Variants in ITGA11 observed in about 807,000 individuals in gnomAD.
ITGA11 encodes the protein integrin subunit alpha 11, also known as integrin alpha-11.
ITGA11 carries 97 observed loss-of-function variants against 141.9 expected under a neutral mutation model. The ratio of observed to expected loss-of-function variants is 0.68; its 90% confidence interval spans 0.58 to 0.81. ITGA11 has a LOEUF of 0.81. Ranked by LOEUF, ITGA11 falls within the 30% of genes least tolerant of loss-of-function variation. The probability of loss-of-function intolerance (pLI) is 0.00; values close to 1 mark genes in which losing one functional copy is unlikely to be tolerated. For missense variants in ITGA11, 1,387 were observed against 1,559.2 expected (o/e 0.89, Z 1.86); for synonymous variants, 658 against 624.6 (o/e 1.05, Z -0.80).
intron 2 of ITGA11, among the ~76,000 whole-genome samples, chr15:68,392,037 A>G (rs1454386645): frequency 1.3e-5 from 2 of 152,208 alleles, no homozygotes; most frequent in African/African-American, 4.8e-5. Flanking sequence ...AAGTTCTTTG[A>G]GCACCTACTA....
intron 2 of ITGA11, among the ~76,000 whole-genome samples, chr15:68,384,030 C>T (rs1480235331): frequency 1.3e-5 from 2 of 152,066 alleles, no homozygotes; most frequent in Non-Finnish European, 2.9e-5. Context: ...TCAATATTTT[C>T]ACTACCGAGA....
At chr15:68,431,031 C>T (rs891353804) in intron 1 of ITGA11, among the ~76,000 whole-genome samples, 3 of 152,264 alleles carry the variant, frequency 2.0e-5, no homozygotes, top group African/African-American at 4.8e-5. Context: ...AGGTTGAGCG[C>T]CCACACCCGG....
At chr15:68,320,512 G>T (rs910995343) in intron 19 of ITGA11, 120 bp from the exon 20 acceptor site, 8 of 708,890 alleles carry the variant, frequency 1.1e-5, no homozygotes, top group Non-Finnish European at 1.9e-5. Context: ...CTGCTCATGG[G>T]AATAGCCACT....
chr15:68,397,793 TA>T (rs1241406806), intron 2 of ITGA11, among the ~76,000 whole-genome samples: 1 of 107,368 alleles, frequency 9.3e-6, no homozygotes, highest in Non-Finnish European at 1.8e-5. Flanking sequence ...TAAAATAATA[TA>T]AAATTATTAA....
chr15:68,365,049 G>A lies in ITGA11; in HGVS notation c.266-251C>T, dbSNP rs1193426214. The stretch of plus-strand genomic sequence containing the variant: ...CAAGGTCACACAGTGAGCACTCACC[G>A]AGCCTTCTATCTCCTAGCCCACAGC... On this transcript the variant is annotated intron_variant, in intron 3 of 29. Transcript: ENST00000315757. 9 of 769,394 alleles carry A rather than the reference G, an allele frequency of 1.2e-5. No homozygotes were observed. The East Asian group carries it at 3.8e-4, about 33-fold the overall frequency. 47.7% of individuals were successfully genotyped at this position (769,394 alleles called of 1,614,324 possible).
At chr15:68,407,387 G>T (rs766847387) in intron 1 of ITGA11, among the ~76,000 whole-genome samples, 4 of 152,214 alleles carry the variant, frequency 2.6e-5, no homozygotes, top group Non-Finnish European at 5.9e-5. Flanking sequence ...ACCAACCAGA[G>T]AGTGGATTTC....
intron 2 of ITGA11, among the ~76,000 whole-genome samples, chr15:68,401,138 A>G (rs1457227895): frequency 6.6e-6 from 1 of 150,876 alleles, no homozygotes; most frequent in Non-Finnish European, 1.5e-5. Flanking sequence ...AGAGAAATGC[A>G]AATTAAACCC....
chr15:68,403,283 C>CT (rs1020996042), intron 1 of ITGA11, among the ~76,000 whole-genome samples: 63 of 152,192 alleles, frequency 4.1e-4, no homozygotes, highest in Non-Finnish European at 1.3e-4. Flanking sequence ...ATGTGTATCC[C>CT]TTCCAAATCT....
intron 10 of ITGA11, among the ~76,000 whole-genome samples, chr15:68,340,177 C>T (rs1894515738): frequency 6.6e-6 from 1 of 150,854 alleles, no homozygotes; most frequent in South Asian, 2.1e-4. Context: ...CCCCCGTATC[C>T]CCGCCCCCAA....
intron 5 of ITGA11, 92 bp from the exon 6 acceptor site, chr15:68,358,677 ACT>A (rs370092650): frequency 1.6e-4 from 214 of 1,348,194 alleles, no homozygotes; most frequent in Non-Finnish European, 1.9e-4. Flanking sequence ...CAAATGAATG[ACT>A]CTGCTCCATA....
At chr15:68,382,385 G>A (rs1323187918) in intron 2 of ITGA11, among the ~76,000 whole-genome samples, 3 of 152,138 alleles carry the variant, frequency 2.0e-5, no homozygotes, top group Non-Finnish European at 2.9e-5. Flanking sequence ...TCACTTTAGC[G>A]GGGCCCTTCC....
chr15:68,364,579 G>T, intron 4 of ITGA11, 128 bp downstream of exon 4: 1 of 756,974 alleles, frequency 1.3e-6, no homozygotes, highest in Non-Finnish European at 2.3e-6. Flanking sequence ...GGGCCAGGCA[G>T]CTTGGTGGTT....
chr15:68,319,158 A>T (rs1893704209), intron 20 of ITGA11, among the ~76,000 whole-genome samples: 5 of 152,246 alleles, frequency 3.3e-5, no homozygotes, highest in African/African-American at 1.2e-4. Context: ...TTTGTCACAT[A>T]GCGCAGGCTC....
intron 1 of ITGA11, among the ~76,000 whole-genome samples, chr15:68,416,901 T>C (rs1215875903): frequency 1.3e-5 from 2 of 152,184 alleles, no homozygotes; most frequent in Non-Finnish European, 2.9e-5. Context: ...GGGTGACATA[T>C]GGAGACCCCA....
chr15:68,331,573 G>C (rs1263848023), intron 14 of ITGA11, among the ~76,000 whole-genome samples: 3 of 151,904 alleles, frequency 2.0e-5, no homozygotes, highest in Non-Finnish European at 4.4e-5. Flanking sequence ...GCGCGTCTCG[G>C]GGGGAGTGAG....
intron 1 of ITGA11, among the ~76,000 whole-genome samples, chr15:68,406,842 C>T (rs751868400): frequency 2.0e-5 from 3 of 152,118 alleles, no homozygotes; most frequent in East Asian, 1.9e-4. Flanking sequence ...ATTCCAGGCA[C>T]GATCCTAGGC....
intron 2 of ITGA11, among the ~76,000 whole-genome samples, chr15:68,383,550 C>A (rs1040702419): frequency 2.6e-5 from 4 of 152,200 alleles, no homozygotes; most frequent in African/African-American, 9.7e-5. Context: ...GAAGCACATG[C>A]TACCCTGAGT....
At chr15:68,329,300 T>C (rs1894080525) in intron 15 of ITGA11, among the ~76,000 whole-genome samples, 1 of 152,142 alleles carries the variant, frequency 6.6e-6, no homozygotes, top group African/African-American at 2.4e-5. Flanking sequence ...TGACTTCCCA[T>C]TGGAATCACT....
intron 19 of ITGA11, among the ~76,000 whole-genome samples, chr15:68,320,865 T>C (rs1462608982): frequency 6.6e-6 from 1 of 152,260 alleles, no homozygotes; most frequent in Non-Finnish European, 1.5e-5. Context: ...ATCTCATAGT[T>C]GGATCAAAGT....
Sources: allele counts gnomAD v4.1 joint callset (sites outside exome capture counted in the v4.1 genomes callset), GRCh38; gene constraint gnomAD v4.1.1; transcripts MANE v1.5; gene names NCBI Gene and HGNC (gene_info 2026-07-23, HGNC 2026-07-21).